The following TAF7L variants were observed in gnomAD, a reference collection of about 807,000 sequenced individuals.
TAF7L encodes transcription initiation factor TFIID subunit 7-like.
Under a neutral mutation model 30.2 loss-of-function variants are expected in TAF7L, and 6 were observed. The ratio of observed to expected loss-of-function variants is 0.20; its 90% CI spans 0.11 to 0.39. The LOEUF (loss-of-function observed/expected upper bound fraction) is 0.39. Ranked by LOEUF, TAF7L falls within the 10% of genes least tolerant of loss-of-function variation. The pLI, the probability that TAF7L is intolerant of heterozygous loss-of-function variation, is 1.00. For missense variants in TAF7L, 284 were observed against 277.1 expected, an observed-to-expected ratio of 1.03 and a Z score of -0.18; for synonymous variants, 93 against 94.5, an observed-to-expected ratio of 0.98 and a Z score of 0.09.
intron 6 of TAF7L, among the ~76,000 whole-genome samples, chrX:101,280,499 G>A (rs1924376029): frequency 9.0e-6 from 1 of 111,640 alleles, no homozygotes; most frequent in African/African-American, 3.3e-5. Flanking sequence ...TGGTGAGGAG[G>A]TGGAGAAACT....
chrX:101,273,496 G>A (rs1924048283), intron 12 of TAF7L, among the ~76,000 whole-genome samples: 1 of 111,374 alleles, frequency 9.0e-6, no homozygotes. Context: ...GGCTGAGGGA[G>A]GACAATCTCT....
chrX:101,271,482 C>T (rs1294048820), intron 12 of TAF7L, among the ~76,000 whole-genome samples: 2 of 111,182 alleles, frequency 1.8e-5, no homozygotes, highest in Non-Finnish European at 3.8e-5. Context: ...ATTTGTGTAT[C>T]TAAACATAGA....
intron 1 of TAF7L, among the ~76,000 whole-genome samples, chrX:101,290,799 A>C (rs1278118225): frequency 8.9e-6 from 1 of 111,746 alleles, no homozygotes; most frequent in Non-Finnish European, 1.9e-5. Flanking sequence ...GCACTCTTTG[A>C]TGCCTGATTA....
In TAF7L at chrX:101,287,565, A is replaced by G. The variant is rs1449196648; in HGVS notation, c.-2-20T>C. The G allele has an allele frequency of 2.5e-6, 3 of 1,185,839 alleles. No individual in the cohort carries two copies. The highest frequency in any genetic ancestry group is 3.4e-6 in the Non-Finnish European group (3 of 873,976). ...TCATGTCTTGATTTTGAGTTCATGA[A>G]AGCAAAAAGAAAACCATCACTAAAA... On this transcript the variant is annotated intron_variant, in intron 1 of 12. Transcript: ENST00000356784.
chrX:101,275,415 C>T (rs1315678873), intron 11 of TAF7L, 134 bp from the exon 12 acceptor site: 1 of 459,375 alleles, frequency 2.2e-6, no homozygotes, highest in Non-Finnish European at 3.5e-6. Flanking sequence ...GTCACCCAGG[C>T]TGGAGTGCAG....
chrX:101,272,499 A>C (rs5967290), intron 12 of TAF7L, among the ~76,000 whole-genome samples: 2,226 of 111,353 alleles, frequency 0.02, 73 homozygotes, highest in African/African-American at 0.07. Flanking sequence ...TGAACCCTGA[A>C]AATATGCTAA....
chrX:101,272,780 C>T (rs751314419), intron 12 of TAF7L, among the ~76,000 whole-genome samples: 1 of 110,944 alleles, frequency 9.0e-6, no homozygotes, highest in African/African-American at 3.3e-5. Context: ...GGTGACTTGT[C>T]GGGGGTGGGG....
intron 3 of TAF7L, 64 bp downstream of exon 3, chrX:101,286,511 G>A: frequency 2.4e-6 from 2 of 828,765 alleles, no homozygotes; most frequent in Non-Finnish European, 3.6e-6. Context: ...TACAGTGTAT[G>A]GCACATAGCA....
intron 6 of TAF7L, among the ~76,000 whole-genome samples, chrX:101,281,153 T>C (rs1924396723): frequency 8.9e-6 from 1 of 112,208 alleles, no homozygotes; most frequent in African/African-American, 3.2e-5. Context: ...TGGAATAAGA[T>C]TGCAGAATTC....
At chrX:101,286,355 T>G (rs1924601022) in intron 3 of TAF7L, among the ~76,000 whole-genome samples, 1 of 110,889 alleles carries the variant, frequency 9.0e-6, no homozygotes, top group Non-Finnish European at 1.9e-5. Flanking sequence ...CAAGTTTCCT[T>G]AAACACACTA....
intron 12 of TAF7L, among the ~76,000 whole-genome samples, chrX:101,274,402 T>C (rs1002615942): frequency 3.6e-5 from 4 of 110,518 alleles, no homozygotes; most frequent in African/African-American, 1.3e-4. Context: ...AGTCAGCGTT[T>C]CACCATGTTG....
Sources: gnomAD v4.1 joint callset for allele counts (sites outside exome capture counted in the v4.1 genomes callset) on GRCh38, gnomAD v4.1.1 for gene constraint, MANE v1.5 for transcripts, NCBI Gene and HGNC (gene_info 2026-07-23, HGNC 2026-07-21) for gene names.